The following CNTNAP2 variants were observed in gnomAD, a reference collection of about 807,000 sequenced individuals.
CNTNAP2 encodes the protein contactin associated protein 2.
CNTNAP2 carries 98 observed loss-of-function variants against 155.2 expected under a neutral mutation model. That is an observed-to-expected ratio of 0.63 (90% CI 0.54 to 0.75). The LOEUF (loss-of-function observed/expected upper bound fraction) is 0.75, where lower values mean the gene tolerates loss of function less well. Among genes scored for constraint, CNTNAP2 ranks in the 30% least tolerant of loss-of-function variants. The pLI, the probability that CNTNAP2 is intolerant of heterozygous loss-of-function variation, is 0.00. For missense variants in CNTNAP2, 1,727 were observed against 1,688.1 expected (o/e 1.02, Z -0.40); for synonymous variants, 651 against 631.2 (o/e 1.03, Z -0.47).
At chr7:147,689,730 T>C (rs1382891467) in intron 13 of CNTNAP2, among the ~76,000 whole-genome samples, 2 of 152,046 alleles carry the variant, frequency 1.3e-5, no homozygotes, top group Non-Finnish European at 2.9e-5. Context: ...TGTGAAAATT[T>C]TGTGTGATTA....
At chr7:147,326,409 G>A (rs1264126593) in intron 9 of CNTNAP2, among the ~76,000 whole-genome samples, 1 of 152,182 alleles carries the variant, frequency 6.6e-6, no homozygotes, top group Non-Finnish European at 1.5e-5. Context: ...TTCATTGTAT[G>A]TGTCTATCAC....
chr7:147,072,848 CTTT>C (rs71165064), intron 4 of CNTNAP2, among the ~76,000 whole-genome samples: 308 of 93,630 alleles, frequency 3.3e-3, no homozygotes, highest in African/African-American at 0.013. Context: ...TTCCTTTATT[CTTT>C]TTTTTTTTTT....
At chr7:148,270,911 C>A (rs1038052791) in intron 21 of CNTNAP2, among the ~76,000 whole-genome samples, 4 of 152,164 alleles carry the variant, frequency 2.6e-5, no homozygotes, top group African/African-American at 9.7e-5. Context: ...AACACAAATG[C>A]CTACTTGCAG....
chr7:146,980,850 C>T (rs936171350), intron 3 of CNTNAP2, among the ~76,000 whole-genome samples: 6 of 152,234 alleles, frequency 3.9e-5, no homozygotes, highest in Non-Finnish European at 7.3e-5. Context: ...ATTATATCAT[C>T]GGGTTCCTTC....
intron 13 of CNTNAP2, among the ~76,000 whole-genome samples, chr7:147,692,350 A>C (rs975211889): frequency 7.2e-5 from 11 of 151,980 alleles, no homozygotes; most frequent in Admixed American, 2.0e-4. Context: ...ATAAGTTTTC[A>C]CCTCCTTTGG....
chr7:147,984,086 T>C (rs1306434418), intron 15 of CNTNAP2, among the ~76,000 whole-genome samples: 1 of 152,248 alleles, frequency 6.6e-6, no homozygotes, highest in Non-Finnish European at 1.5e-5. Flanking sequence ...TGTGATGTTA[T>C]GCTAGAGTCA....
intron 1 of CNTNAP2, among the ~76,000 whole-genome samples, chr7:146,550,539 A>G (rs2693391): frequency 0.82 from 124,748 of 151,304 alleles, 51,929 homozygotes; most frequent in South Asian, 0.91. Flanking sequence ...ATATGTGTAT[A>G]TGTGCACACA....
chr7:147,925,884 T>A (rs1395670763), intron 14 of CNTNAP2, among the ~76,000 whole-genome samples: 1 of 152,160 alleles, frequency 6.6e-6, no homozygotes, highest in Admixed American at 6.5e-5. Flanking sequence ...TCCCCTCAAC[T>A]CCTGGCAACA....
intron 10 of CNTNAP2, among the ~76,000 whole-genome samples, chr7:147,442,276 C>T (rs1217601793): frequency 6.6e-6 from 1 of 152,184 alleles, no homozygotes; most frequent in Non-Finnish European, 1.5e-5. Flanking sequence ...AGCCTCAGCT[C>T]ATGGCCACTG....
chr7:148,221,159 T>TTCATTGTCTG (rs1795742683), intron 19 of CNTNAP2, among the ~76,000 whole-genome samples: 1 of 152,178 alleles, frequency 6.6e-6, no homozygotes, highest in African/African-American at 2.4e-5. Context: ...TTCATTGTCT[T>TTCATTGTCTG]CAAGGGCGTT....
intron 2 of CNTNAP2, among the ~76,000 whole-genome samples, chr7:146,781,237 A>C (rs1329849214): frequency 1.3e-5 from 2 of 151,430 alleles, no homozygotes; most frequent in African/African-American, 2.4e-5. Context: ...CAAAAAAAAA[A>C]AAACAAAAAA....
chr7:147,209,535 G>C (rs924067392), intron 8 of CNTNAP2, among the ~76,000 whole-genome samples: 2 of 151,952 alleles, frequency 1.3e-5, no homozygotes, highest in Non-Finnish European at 2.9e-5. Flanking sequence ...TCAGTGAAGA[G>C]AGATCATTTG....
At chr7:147,914,964 T>C (rs928018837) in intron 14 of CNTNAP2, among the ~76,000 whole-genome samples, 5 of 152,236 alleles carry the variant, frequency 3.3e-5, no homozygotes, top group Non-Finnish European at 7.3e-5. Context: ...TAGGACTTTA[T>C]GGAGGACCTG....
At chr7:147,420,161 A>G (rs867011845) in intron 10 of CNTNAP2, among the ~76,000 whole-genome samples, 2 of 152,238 alleles carry the variant, frequency 1.3e-5, no homozygotes, top group South Asian at 4.1e-4. Context: ...ACTGTTAGAA[A>G]TGAGAGCAAT....
chr7:147,183,131 G>A (rs1162738045), intron 8 of CNTNAP2, among the ~76,000 whole-genome samples: 4 of 150,924 alleles, frequency 2.7e-5, no homozygotes, highest in Non-Finnish European at 5.9e-5. Flanking sequence ...CAAACTAACA[G>A]TGGATGACTG....
rs541459501 is a variant in CNTNAP2, at chr7:148,374,495, G to A, written c.3476-9154G>A. On this transcript the variant is annotated intron_variant, in intron 21 of 23. Transcript: ENST00000361727. The stretch of plus-strand genomic sequence containing the variant: ...AAATGACCCTCTGCTAGTCTTGGCC[G>A]GCATACCTACCAGTGGCTTGGAGAG... 1.6e-4 allele frequency among the ~76,000 whole-genome samples: 24 copies of A among 152,156 alleles called. No individual in the cohort carries two copies. The East Asian group carries it at 1.7e-3, about 11-fold the overall frequency.
At chr7:146,959,953 G>A (rs1395039507) in intron 3 of CNTNAP2, among the ~76,000 whole-genome samples, 2 of 152,108 alleles carry the variant, frequency 1.3e-5, no homozygotes, top group African/African-American at 4.8e-5. Context: ...AGTAAGAAGA[G>A]AGCAGGGGCT....
At chr7:146,242,705 TTTG>T (rs1799583258) in intron 1 of CNTNAP2, among the ~76,000 whole-genome samples, 1 of 152,178 alleles carries the variant, frequency 6.6e-6, no homozygotes, top group African/African-American at 2.4e-5. Flanking sequence ...TGACCTTATT[TTTG>T]GAGTAAAGTG....
At chr7:147,605,892 T>C (rs1343902314) in intron 12 of CNTNAP2, among the ~76,000 whole-genome samples, 1 of 151,286 alleles carries the variant, frequency 6.6e-6, no homozygotes, top group Non-Finnish European at 1.5e-5. Flanking sequence ...TCTTCCCTTC[T>C]CTCTCTCTCT....
Sources: gnomAD v4.1 joint callset for allele counts (sites outside exome capture counted in the v4.1 genomes callset) on GRCh38, gnomAD v4.1.1 for gene constraint, MANE v1.5 for transcripts, NCBI Gene and HGNC (gene_info 2026-07-23, HGNC 2026-07-21) for gene names.